CS: variants seen among roughly 807,000 people sequenced by gnomAD.
The protein encoded by CS is citrate synthase, also known as citrate synthase, mitochondrial.
In CS, 13 loss-of-function variants were observed where a neutral mutation model predicts 61.4. The observed-to-expected ratio is 0.21, with a 90% CI of 0.14 to 0.34. The LOEUF is 0.34. Ranked by LOEUF, CS falls within the 10% of genes least tolerant of loss-of-function variation. The pLI, the probability that CS is intolerant of heterozygous loss-of-function variation, is 1.00. For synonymous variants in CS, 159 were observed against 215.2 expected (o/e 0.74, Z 2.29); for missense variants, 278 against 573.4 (o/e 0.48, Z 5.26).
chr12:56,276,022 G>A lies in CS; in HGVS notation c.762C>T (p.Leu254=), dbSNP rs1872615391. 2 of 1,614,190 alleles carry A rather than the reference G, an allele frequency of 1.2e-6. No homozygotes were observed. The highest frequency in any genetic ancestry group is 1.7e-6 in the Non-Finnish European group (2 of 1,180,034). ...TGTGGATGGTGAGGTACAGGCGCGTGAGCTCAGTGAACTGATGATCAGTAT... is the reference window on the plus strand; with the variant it reads ...TGTGGATGGTGAGGTACAGGCGCGTAAGCTCAGTGAACTGATGATCAGTAT... ...LGYTDHQFTE[L]TRLYLTIHSD... Residue 254 remains leucine (L), a synonymous_variant, in exon 7 of 11, where the codon CTC becomes CTT. Coordinates refer to ENST00000351328, the MANE Select transcript of CS (RefSeq NM_004077.3).
At chr12:56,276,469 T>C (rs1364487909) in intron 6 of CS, among the ~76,000 whole-genome samples, 3 of 152,210 alleles carry the variant, frequency 2.0e-5, no homozygotes, top group Non-Finnish European at 2.9e-5. Context: ...ACAAAGTATA[T>C]AATGACTGCC....
intron 1 of CS, among the ~76,000 whole-genome samples, chr12:56,290,429 T>C (rs1244344809): frequency 1.3e-5 from 2 of 151,538 alleles, no homozygotes; most frequent in African/African-American, 4.9e-5. Context: ...GCCAGACTGG[T>C]CTCGAACTTC....
chr12:56,286,570 C>T lies in CS; in HGVS notation c.93+25G>A, dbSNP rs767690856. On this transcript the variant is annotated intron_variant, in intron 2 of 10. Transcript: ENST00000351328. ...CAGGCTGGCCGCAATGATTCTTATT[C>T]TTAGTCTTCTTTTCCAAACCTTACC... is the stretch of plus-strand genomic sequence containing the variant. 3.3e-5 allele frequency: 54 copies of T among 1,612,310 alleles called. No individual in the cohort carries two copies. In the South Asian group the frequency reaches 5.7e-4, roughly 17 times the overall value.
intron 2 of CS, 21 bp from the exon 3 acceptor site, chr12:56,286,044 A>G: frequency 1.3e-6 from 2 of 1,581,308 alleles, no homozygotes; most frequent in African/African-American, 1.3e-5. Flanking sequence ...AAGTAGAAGG[A>G]CTAAGCAATG....
rs1356700847 is a variant in CS, at chr12:56,272,147, G to C, written c.*937C>G. The C allele has an allele frequency of 3.5e-6, 1 of 289,586 alleles. No homozygotes were observed. The highest frequency in any genetic ancestry group is 2.9e-5 in the South Asian group (1 of 34,032). The allele number at this position is 289,586 out of a possible 1,614,324, so 17.9% of individuals were successfully genotyped here. ...TTCAAAAAGAGGTGCTAATACCCCG[G>C]GGACAAGACTCTGAAAATATCATGC... On this transcript the variant is annotated 3_prime_UTR_variant, in exon 11 of 11. Coordinates refer to ENST00000351328, the MANE Select transcript of CS (RefSeq NM_004077.3).
intron 1 of CS, among the ~76,000 whole-genome samples, chr12:56,288,866 C>G (rs1873028461): frequency 6.6e-6 from 1 of 151,802 alleles, no homozygotes; most frequent in African/African-American, 2.4e-5. Context: ...GCTCTGTTGC[C>G]CAGGCTGGCC....
In CS at chr12:56,272,933, A is replaced by G. The variant is rs1050490168; in HGVS notation, c.*151T>C. The stretch of plus-strand genomic sequence containing the variant: ...AAGAAGGGACCATTTTTCATCTTTT[A>G]AAGTCTTAATTTATATTTTAACCTC... On this transcript the variant is annotated 3_prime_UTR_variant, in exon 11 of 11. Transcript: ENST00000351328. The G allele has an allele frequency of 3.2e-6, 2 of 626,900 alleles. No individual in the cohort carries two copies. The highest frequency in any genetic ancestry group is 3.1e-5 in the Admixed American group (1 of 32,366). The allele number at this position is 626,900 out of a possible 1,614,324, so 38.8% of individuals were successfully genotyped here. A position where few individuals can be genotyped will look rare whatever the true frequency, so the allele number is the denominator to read the frequency against.
chr12:56,294,756 CT>C (rs1367684821), intron 1 of CS, among the ~76,000 whole-genome samples: 1 of 151,224 alleles, frequency 6.6e-6, no homozygotes, highest in Non-Finnish European at 1.5e-5. Flanking sequence ...TTAAACTTTC[CT>C]TTCAGTAGGA....
At chr12:56,298,062 G>T (rs1477055409) in intron 1 of CS, among the ~76,000 whole-genome samples, 1 of 151,882 alleles carries the variant, frequency 6.6e-6, no homozygotes, top group African/African-American at 2.4e-5. Context: ...GCAATGGAGC[G>T]ATCTGGGCTC....
chr12:56,276,833 T>G (rs1872633707), intron 6 of CS, among the ~76,000 whole-genome samples: 1 of 151,810 alleles, frequency 6.6e-6, no homozygotes. Flanking sequence ...TGAGCCACCA[T>G]GCCTGGCCCT....
intron 1 of CS, 24 bp from the exon 2 acceptor site, chr12:56,286,669 T>C (rs1208835830): frequency 6.2e-7 from 1 of 1,608,134 alleles, no homozygotes. Flanking sequence ...AAGAGAACCT[T>C]ATGTAACTGT....
intron 1 of CS, among the ~76,000 whole-genome samples, chr12:56,292,390 A>T (rs1873153946): frequency 1.5e-5 from 2 of 132,704 alleles, no homozygotes; most frequent in African/African-American, 5.4e-5. Context: ...GACTTGGTCT[A>T]AAAAAAAAAA....
intron 1 of CS, among the ~76,000 whole-genome samples, chr12:56,288,290 C>T (rs1592411602): frequency 6.6e-6 from 1 of 151,228 alleles, no homozygotes; most frequent in African/African-American, 2.4e-5. Flanking sequence ...GCTCTCTGTG[C>T]AAAAAATTGC....
rs1318485097 is a variant in CS, at chr12:56,271,910, G to C, written c.*1174C>G. 2.2e-6 allele frequency: 1 copy of C among 456,374 alleles called. No individual in the cohort carries two copies. Among genetic ancestry groups the C allele is most frequent in the Non-Finnish European group, 4.4e-6 (1 of 226,766 alleles). 28.3% of individuals were successfully genotyped at this position (456,374 alleles called of 1,614,324 possible). Reference sequence around the variant, plus strand: ...ATCCTTTCTCAAAGAAAAAGAAGTAGAGCATTCTGAGTTGCTGAAAACCTG... The same window carrying C: ...ATCCTTTCTCAAAGAAAAAGAAGTACAGCATTCTGAGTTGCTGAAAACCTG... On this transcript the variant is annotated 3_prime_UTR_variant, in exon 11 of 11. Transcript: ENST00000351328.
intron 7 of CS, 107 bp from the exon 8 acceptor site, chr12:56,275,238 C>A: frequency 7.5e-7 from 1 of 1,337,634 alleles, no homozygotes; most frequent in Non-Finnish European, 1.1e-6. Context: ...TGGGCTCATG[C>A]CAGCCTATAG....
At chr12:56,287,999 C>G (rs924578651) in intron 1 of CS, among the ~76,000 whole-genome samples, 8 of 152,242 alleles carry the variant, frequency 5.3e-5, no homozygotes, top group South Asian at 2.1e-4. Flanking sequence ...AGGTTACTAA[C>G]TAGGAATACG....
At chr12:56,298,524 G>C (rs935327738) in intron 1 of CS, 56 of 555,032 alleles carry the variant, frequency 1.0e-4, no homozygotes, top group Non-Finnish European at 1.2e-4. Context: ...TGGGTTAGCA[G>C]CTCAGAAATG....
chr12:56,287,086 C>A (rs1012596043), intron 1 of CS, among the ~76,000 whole-genome samples: 2 of 152,098 alleles, frequency 1.3e-5, no homozygotes, highest in African/African-American at 4.8e-5. Flanking sequence ...TACTTCTGAC[C>A]CTCCTGGAAA....
chr12:56,273,339 A>C (rs962188058), intron 10 of CS, 85 bp from the exon 11 acceptor site: 5 of 1,407,222 alleles, frequency 3.6e-6, no homozygotes, highest in Middle Eastern at 3.6e-4. Flanking sequence ...CTTAAAAGCT[A>C]AATTTTCCAT....
Sources: gnomAD v4.1 joint callset for allele counts (sites outside exome capture counted in the v4.1 genomes callset) on GRCh38, gnomAD v4.1.1 for gene constraint, MANE v1.5 for transcripts, NCBI Gene and HGNC (gene_info 2026-07-23, HGNC 2026-07-21) for gene names.